Variants in XPR1 observed in about 807,000 individuals in gnomAD.
XPR1 encodes the protein solute carrier family 53 member 1.
XPR1 carries 28 observed loss-of-function variants against 87.5 expected under a neutral mutation model. That is an observed-to-expected ratio of 0.32 (90% CI 0.24 to 0.44). The LOEUF (loss-of-function observed/expected upper bound fraction) is 0.44. Among genes scored for constraint, XPR1 ranks in the 20% least tolerant of loss-of-function variants. The probability of loss-of-function intolerance (pLI) is 1.00; values close to 1 mark genes in which losing one functional copy is unlikely to be tolerated. For missense variants in XPR1, 559 were observed against 862.3 expected (o/e 0.65, Z 4.41); for synonymous variants, 300 against 306.1 (o/e 0.98, Z 0.21).
chr1:180,684,422 G>A (rs1295271262), intron 2 of XPR1, among the ~76,000 whole-genome samples: 7 of 152,198 alleles, frequency 4.6e-5, no homozygotes. Context: ...CAGGTAGCGT[G>A]ATGCCTCCGG....
At chr1:180,727,098 C>G (rs905592288) in intron 2 of XPR1, among the ~76,000 whole-genome samples, 3 of 151,898 alleles carry the variant, frequency 2.0e-5, no homozygotes, top group South Asian at 2.1e-4. Flanking sequence ...CTCCTGACCT[C>G]GTGATCTGCC....
intron 7 of XPR1, among the ~76,000 whole-genome samples, chr1:180,815,737 A>G (rs1558022144): frequency 6.6e-6 from 1 of 152,120 alleles, no homozygotes. Context: ...ACAGTATACC[A>G]TATTTCACTT....
rs570472568 is a variant in XPR1, at chr1:180,761,457, G to A, written c.122-26296G>A. On this transcript the variant is annotated intron_variant, in intron 2 of 14. Transcript: ENST00000367590. ...CAACCAACCCCATCAAAAAGTGGGC[G>A]AAGGATATGAACAGACACTTCTCAA... is the stretch of plus-strand genomic sequence containing the variant. 6.6e-3 allele frequency among the ~76,000 whole-genome samples: 1,004 copies of A among 152,192 alleles called. 10 individuals are homozygous for A. Among genetic ancestry groups the A allele is most frequent in the African/African-American group, 0.021 (889 of 41,494 alleles).
chr1:180,836,633 C>A lies in XPR1; in HGVS notation c.1418C>A (p.Ala473Asp). ...CLRRYRDTKR[A>D]FPHLVNAGKY... ...CGCCGATATCGAGACACAAAAAGGG[C>A]CTTTCCTCATTTAGTTAATGCTGGC... Residue 473 changes from alanine (A) to aspartate (D), a missense_variant, in exon 11 of 15, where the codon GCC becomes GAC. By Grantham distance (126) the Ala-to-Asp change is moderately radical (BLOSUM62 -2). This residue lies in a region of XPR1 where 264 missense variants were observed against 377.2 expected (regional missense o/e 0.70). Transcript: ENST00000367590. 6.2e-7 allele frequency: 1 copy of A among 1,614,114 alleles called. No individual in the cohort carries two copies. Among genetic ancestry groups the A allele is most frequent in the Non-Finnish European group, 8.5e-7 (1 of 1,180,008 alleles).
intron 2 of XPR1, among the ~76,000 whole-genome samples, chr1:180,750,226 C>T (rs1647475665): frequency 6.6e-6 from 1 of 152,102 alleles, no homozygotes; most frequent in Non-Finnish European, 1.5e-5. Flanking sequence ...TGGATACAGT[C>T]ACAGGCCCAT....
chr1:180,640,420 G>A (rs1654927321), intron 1 of XPR1, among the ~76,000 whole-genome samples: 1 of 152,228 alleles, frequency 6.6e-6, no homozygotes, highest in Non-Finnish European at 1.5e-5. Context: ...AACTGATTAT[G>A]TTGATAGTAA....
At chr1:180,767,167 T>G (rs1648318929) in intron 2 of XPR1, among the ~76,000 whole-genome samples, 1 of 152,196 alleles carries the variant, frequency 6.6e-6, no homozygotes, top group Admixed American at 6.5e-5. Flanking sequence ...CAAGTTCTGT[T>G]TGTTACTTTT....
intron 2 of XPR1, among the ~76,000 whole-genome samples, chr1:180,698,398 T>C (rs1328963195): frequency 2.0e-5 from 3 of 152,162 alleles, no homozygotes; most frequent in Non-Finnish European, 2.9e-5. Flanking sequence ...ATCTTTTAAG[T>C]GGGGAATTTA....
intron 1 of XPR1, among the ~76,000 whole-genome samples, chr1:180,658,553 T>G (rs1216276490): frequency 6.6e-6 from 1 of 151,252 alleles, no homozygotes; most frequent in Non-Finnish European, 1.5e-5. Flanking sequence ...GATCATATGG[T>G]TTTTTTTTGT....
At chr1:180,714,375 C>G (rs551320788) in intron 2 of XPR1, among the ~76,000 whole-genome samples, 9 of 138,040 alleles carry the variant, frequency 6.5e-5, no homozygotes, top group African/African-American at 2.7e-4. Flanking sequence ...CTCTCTCTCT[C>G]TCTCTCTCTC....
intron 1 of XPR1, among the ~76,000 whole-genome samples, chr1:180,662,726 C>G (rs1655821068): frequency 6.6e-6 from 1 of 152,184 alleles, no homozygotes; most frequent in Admixed American, 6.5e-5. Context: ...TACCCCAAGT[C>G]TCTCTCCACC....
chr1:180,710,899 C>T (rs993803511), intron 2 of XPR1, among the ~76,000 whole-genome samples: 2 of 151,414 alleles, frequency 1.3e-5, no homozygotes, highest in East Asian at 2.0e-4. Context: ...CCAGACGGGG[C>T]GGCTGCCGGG....
intron 1 of XPR1, among the ~76,000 whole-genome samples, chr1:180,676,695 A>C (rs969194581): frequency 6.6e-6 from 1 of 152,230 alleles, no homozygotes; most frequent in African/African-American, 2.4e-5. Context: ...TCCCTGAGAC[A>C]CAAGAAATTA....
At chr1:180,728,299 G>GGGC (rs1557977302) in intron 2 of XPR1, among the ~76,000 whole-genome samples, 1 of 133,620 alleles carries the variant, frequency 7.5e-6, no homozygotes, top group African/African-American at 2.8e-5. Context: ...TTTATAACTG[G>GGGC]GGGGGGGGGT....
At chr1:180,883,718 A>AT (rs1372858881) in intron 14 of XPR1, among the ~76,000 whole-genome samples, 1 of 151,344 alleles carries the variant, frequency 6.6e-6, no homozygotes, top group Non-Finnish European at 1.5e-5. Context: ...AAAAAAAAAA[A>AT]AAAAAATCAA....
In XPR1 at chr1:180,742,237, A is replaced by G. The variant is rs78100657; in HGVS notation, c.122-45516A>G. Among the ~76,000 whole-genome samples the G allele has an allele frequency of 7.4e-3, 1,132 of 152,188 alleles. 11 individuals carry two copies. The highest frequency in any genetic ancestry group is 0.025 in the African/African-American group (1,028 of 41,544). On this transcript the variant is annotated intron_variant, in intron 2 of 14. Transcript: ENST00000367590. ...CTATTTTCTTAAAGTGGAAGCTTAGATTAGTGATTTGAGATTTCTCATATA... is the reference window on the plus strand; with the variant it reads ...CTATTTTCTTAAAGTGGAAGCTTAGGTTAGTGATTTGAGATTTCTCATATA...
intron 1 of XPR1, among the ~76,000 whole-genome samples, chr1:180,650,470 CAAATG>C (rs1655258720): frequency 6.6e-6 from 1 of 152,196 alleles, no homozygotes; most frequent in South Asian, 2.1e-4. Flanking sequence ...CTAAATTTCT[CAAATG>C]AAAAGTACAC....
chr1:180,777,747 C>CT (rs906086889), intron 2 of XPR1, among the ~76,000 whole-genome samples: 1 of 152,008 alleles, frequency 6.6e-6, no homozygotes, highest in African/African-American at 2.4e-5. Context: ...AAACACACAC[C>CT]TTTTTTTGGT....
chr1:180,706,036 A>AT (rs980314311), intron 2 of XPR1, among the ~76,000 whole-genome samples: 3 of 152,238 alleles, frequency 2.0e-5, no homozygotes, highest in African/African-American at 7.2e-5. Flanking sequence ...TTTCTAAGAC[A>AT]TTCAGGGAAG....
Sources: allele counts gnomAD v4.1 joint callset (sites outside exome capture counted in the v4.1 genomes callset), GRCh38; gene constraint gnomAD v4.1.1; regional missense constraint gnomAD v4.1.1; transcripts MANE v1.5; gene names NCBI Gene and HGNC (gene_info 2026-07-23, HGNC 2026-07-21).